PARD3B: variants seen among roughly 807,000 people sequenced by gnomAD.
PARD3B encodes par-3 family cell polarity regulator beta.
In PARD3B, 103 loss-of-function variants were observed where a neutral mutation model predicts 130.2. The observed-to-expected ratio is 0.79, with a 90% CI of 0.67 to 0.93. The LOEUF is 0.93. Among genes scored for constraint, PARD3B ranks in the 40% least tolerant of loss-of-function variants. The probability of loss-of-function intolerance (pLI) is 0.00; values close to 1 mark genes in which losing one functional copy is unlikely to be tolerated. For missense variants in PARD3B, 1,609 were observed against 1,499.2 expected (o/e 1.07, Z -1.21); for synonymous variants, 583 against 553.2 (o/e 1.05, Z -0.76).
chr2:205,376,147 GAT>G, intron 18 of PARD3B, among the ~76,000 whole-genome samples: 1 of 152,256 alleles, frequency 6.6e-6, no homozygotes, highest in East Asian at 1.9e-4. Flanking sequence ...ATAATCCTGT[GAT>G]ATGTTTTCTA....
At chr2:205,518,020 A>C (rs1474227660) in intron 21 of PARD3B, among the ~76,000 whole-genome samples, 1 of 152,180 alleles carries the variant, frequency 6.6e-6, no homozygotes, top group East Asian at 1.9e-4. Context: ...ACAGTTTTAC[A>C]GTATGTGCCA....
intron 2 of PARD3B, among the ~76,000 whole-genome samples, chr2:204,715,082 C>T (rs1464952812): frequency 6.6e-6 from 1 of 152,142 alleles, no homozygotes; most frequent in African/African-American, 2.4e-5. Context: ...CTTTACTAAT[C>T]TCTATGAAAC....
chr2:204,809,126 T>C (rs375827650), intron 2 of PARD3B, among the ~76,000 whole-genome samples: 2 of 151,016 alleles, frequency 1.3e-5, no homozygotes, highest in African/African-American at 2.4e-5. Flanking sequence ...GGTTTGTCTG[T>C]TTTTTTTTCT....
intron 2 of PARD3B, among the ~76,000 whole-genome samples, chr2:204,783,839 G>C (rs533473458): frequency 1.3e-5 from 2 of 152,228 alleles, no homozygotes; most frequent in African/African-American, 4.8e-5. Context: ...GACATATTTA[G>C]AGCTTTTCCT....
chr2:205,445,605 A>G (rs543820574), intron 20 of PARD3B, among the ~76,000 whole-genome samples: 2 of 152,304 alleles, frequency 1.3e-5, no homozygotes, highest in Admixed American at 6.5e-5. Context: ...ATCCACCCCC[A>G]TGATCCAATC....
chr2:204,639,843 G>A (rs2035011661), intron 1 of PARD3B, among the ~76,000 whole-genome samples: 1 of 152,116 alleles, frequency 6.6e-6, no homozygotes. Flanking sequence ...ACCATTACTA[G>A]AAAGGCTTGG....
In PARD3B at chr2:205,300,488, C is replaced by T. The variant is rs763257144; in HGVS notation, c.2186-42C>T. ...AGAACAATAGCATTACACCACACTG[C>T]CCCATTAGAAGAGGGGTGACCTTTT... On this transcript the variant is annotated intron_variant, in intron 16 of 22. Coordinates refer to ENST00000406610, the MANE Select transcript of PARD3B (RefSeq NM_001302769.2). The surrounding 1 kb of genome is among the most constrained non-coding windows in gnomAD (Gnocchi z 4.1). 5 of 1,500,828 alleles carry T rather than the reference C, an allele frequency of 3.3e-6. 1 individual carries two copies. The South Asian group carries it at 4.5e-5, about 14-fold the overall frequency. 93.0% of individuals were successfully genotyped at this position (1,500,828 alleles called of 1,614,324 possible). A position where few individuals can be genotyped will look rare whatever the true frequency, so the allele number is the denominator to read the frequency against.
At chr2:204,830,953 A>G (rs999348367) in intron 2 of PARD3B, among the ~76,000 whole-genome samples, 2 of 152,212 alleles carry the variant, frequency 1.3e-5, no homozygotes, top group East Asian at 1.9e-4. Flanking sequence ...ATTTAATCCC[A>G]ACTATCATTG....
intron 1 of PARD3B, among the ~76,000 whole-genome samples, chr2:204,603,317 G>A (rs573764747): frequency 2.0e-5 from 3 of 152,002 alleles, no homozygotes. Context: ...GTATTAGAAA[G>A]ACTTTATTTT....
intron 3 of PARD3B, among the ~76,000 whole-genome samples, chr2:204,998,050 A>G (rs6706087): frequency 0.48 from 70,926 of 148,764 alleles, 17,788 homozygotes; most frequent in East Asian, 0.83. Context: ...TATGAATAAG[A>G]TGACTTGTTG....
intron 13 of PARD3B, among the ~76,000 whole-genome samples, chr2:205,178,530 C>T (rs1288581245): frequency 6.6e-6 from 1 of 152,122 alleles, no homozygotes; most frequent in Non-Finnish European, 1.5e-5. Flanking sequence ...AGCAAAAGAG[C>T]CTGGGAAAGG....
At chr2:205,062,557 A>C (rs1391496514) in intron 4 of PARD3B, among the ~76,000 whole-genome samples, 1 of 152,172 alleles carries the variant, frequency 6.6e-6, no homozygotes. Flanking sequence ...GTGGAAGTGC[A>C]CTGAGGATGG....
At chr2:205,513,533 A>G (rs1453680416) in intron 21 of PARD3B, among the ~76,000 whole-genome samples, 2 of 152,102 alleles carry the variant, frequency 1.3e-5, no homozygotes, top group African/African-American at 4.8e-5. Flanking sequence ...TAAAGATTTT[A>G]TCTGCAAAAT....
At chr2:205,054,422 ATATATATATATATATTTTTTTT>A (rs1446582559) in intron 4 of PARD3B, among the ~76,000 whole-genome samples, 7 of 19,602 alleles carry the variant, frequency 3.6e-4, no homozygotes, top group South Asian at 2.5e-3. Context: ...ATATATATAT[ATATATATATATATATTTTTTTT>A]TTTTTTTTTT....
intron 2 of PARD3B, among the ~76,000 whole-genome samples, chr2:204,915,957 A>G (rs551044025): frequency 6.6e-6 from 1 of 152,330 alleles, no homozygotes; most frequent in Admixed American, 6.5e-5. Flanking sequence ...TCGAAGGCCC[A>G]TGAGTGTCCT....
chr2:205,317,313 G>T (rs2042595954), intron 18 of PARD3B, among the ~76,000 whole-genome samples: 1 of 152,158 alleles, frequency 6.6e-6, no homozygotes, highest in African/African-American at 2.4e-5. Context: ...TGGTCATCAT[G>T]TATTTGGTCA....
At chr2:205,022,586 C>T (rs534727341) in intron 3 of PARD3B, among the ~76,000 whole-genome samples, 28 of 152,200 alleles carry the variant, frequency 1.8e-4, no homozygotes, top group African/African-American at 6.7e-4. Flanking sequence ...ATAGAATTAA[C>T]ATCTTAGAAT....
At chr2:205,570,694 T>C (rs950176883) in intron 22 of PARD3B, among the ~76,000 whole-genome samples, 1 of 152,168 alleles carries the variant, frequency 6.6e-6, no homozygotes, top group Non-Finnish European at 1.5e-5. Context: ...TGCACCACAA[T>C]GTGAAATACA....
intron 10 of PARD3B, among the ~76,000 whole-genome samples, chr2:205,139,437 C>T (rs778046735): frequency 2.0e-5 from 3 of 152,174 alleles, no homozygotes; most frequent in Non-Finnish European, 4.4e-5. Flanking sequence ...TATGTCAACA[C>T]TAGCAACTTG....
Sources: gnomAD v4.1 joint callset for allele counts (sites outside exome capture counted in the v4.1 genomes callset) on GRCh38, gnomAD v4.1.1 for gene constraint, Gnocchi (gnomAD v3.1) non-coding constraint, MANE v1.5 for transcripts, NCBI Gene and HGNC (gene_info 2026-07-23, HGNC 2026-07-21) for gene names.